SLC22A15: variants seen among roughly 807,000 people sequenced by gnomAD.
SLC22A15 encodes the protein solute carrier family 22 member 15.
Under a neutral mutation model 62.7 loss-of-function variants are expected in SLC22A15, and 45 were observed. The observed-to-expected ratio is 0.72, with a 90% CI of 0.56 to 0.92. SLC22A15 has a LOEUF of 0.92. SLC22A15 is among the 40% of genes least tolerant of loss of function. The pLI, the probability that SLC22A15 is intolerant of heterozygous loss-of-function variation, is 0.00. For synonymous variants in SLC22A15, 264 were observed against 267.0 expected, an observed-to-expected ratio of 0.99 and a Z score of 0.11; for missense variants, 622 against 665.6, an observed-to-expected ratio of 0.93 and a Z score of 0.72.
At chr1:115,994,631 A>G (rs1422838955) in intron 2 of SLC22A15, among the ~76,000 whole-genome samples, 2 of 152,186 alleles carry the variant, frequency 1.3e-5, no homozygotes, top group African/African-American at 2.4e-5. Flanking sequence ...ATCTATTGTT[A>G]CTAGTTTGCC....
At chr1:116,039,649 C>T (rs1657731066) in intron 8 of SLC22A15, among the ~76,000 whole-genome samples, 1 of 151,958 alleles carries the variant, frequency 6.6e-6, no homozygotes, top group South Asian at 2.1e-4. Context: ...TATCCTCTTC[C>T]ACTACCACTG....
intron 8 of SLC22A15, among the ~76,000 whole-genome samples, chr1:116,050,926 A>G (rs1009812352): frequency 2.0e-5 from 3 of 152,168 alleles, no homozygotes; most frequent in Non-Finnish European, 4.4e-5. Flanking sequence ...CTATACACCA[A>G]TGGCAGCCAA....
At chr1:115,983,547 A>C (rs1327882762) in intron 1 of SLC22A15, among the ~76,000 whole-genome samples, 1 of 152,190 alleles carries the variant, frequency 6.6e-6, no homozygotes, top group Non-Finnish European at 1.5e-5. Context: ...GAGCTCGTTC[A>C]GCAGGCCCTG....
At chr1:116,014,318 T>A (rs542535434) in intron 2 of SLC22A15, among the ~76,000 whole-genome samples, 1 of 152,352 alleles carries the variant, frequency 6.6e-6, no homozygotes, top group African/African-American at 2.4e-5. Context: ...TGCCCCCAGT[T>A]GTGCCTGATT....
At chr1:116,002,460 G>A (rs781355606) in intron 2 of SLC22A15, among the ~76,000 whole-genome samples, 54 of 152,088 alleles carry the variant, frequency 3.6e-4, no homozygotes, top group Non-Finnish European at 5.7e-4. Context: ...ACCAGGGTGG[G>A]TCTGGAAATG....
Position 116,062,727 on chromosome 1 carries a change from G to A in SLC22A15, c.1172-35G>A, listed in dbSNP as rs757925307. The A allele has an allele frequency of 2.5e-5, 40 of 1,612,674 alleles. No individual in the cohort carries two copies. The Admixed American group carries it at 6.5e-4, about 26-fold the overall frequency. ...GCCATTTAGAGGAATTGTTTCAACT[G>A]TGGGTCTCACAGGCATTGCCCTTGT... On this transcript the variant is annotated intron_variant, in intron 8 of 11. Coordinates refer to ENST00000369503, the MANE Select transcript of SLC22A15 (RefSeq NM_018420.3).
At position 116,067,597 on chromosome 1, in the gene SLC22A15, T is replaced by A. The variant is rs1302244735; in HGVS notation, c.*489T>A. 1 of 153,742 alleles carries A rather than the reference T, an allele frequency of 6.5e-6. No homozygotes were observed. The highest frequency in any genetic ancestry group is 1.4e-5 in the Non-Finnish European group (1 of 69,214). The allele number at this position is 153,742 out of a possible 1,614,324, so 9.5% of individuals were successfully genotyped here. A position where few individuals can be genotyped will look rare whatever the true frequency, so the allele number is the denominator to read the frequency against. ...CTGGTACAGGTTAACATCAGCATTT[T>A]CATTTTGTGTCCAGGGAAAAGCACC... On this transcript the variant is annotated 3_prime_UTR_variant, in exon 12 of 12. Coordinates refer to ENST00000369503, the MANE Select transcript of SLC22A15 (RefSeq NM_018420.3).
chr1:116,062,530 A>G (rs1252253878), intron 8 of SLC22A15, among the ~76,000 whole-genome samples: 2 of 152,240 alleles, frequency 1.3e-5, no homozygotes, highest in African/African-American at 2.4e-5. Context: ...GTGAAAGTTT[A>G]TCACACTTAA....
chr1:115,994,580 G>A (rs958831253), intron 2 of SLC22A15, among the ~76,000 whole-genome samples: 1 of 152,134 alleles, frequency 6.6e-6, no homozygotes, highest in Non-Finnish European at 1.5e-5. Flanking sequence ...GAAAGAAATT[G>A]CGAGAATAGT....
chr1:115,989,045 G>A (rs1655020722), intron 1 of SLC22A15, among the ~76,000 whole-genome samples: 1 of 152,090 alleles, frequency 6.6e-6, no homozygotes, highest in Non-Finnish European at 1.5e-5. Context: ...GCATAGAAGA[G>A]TTGCAAGTTT....
chr1:116,060,601 T>G (rs1438617995), intron 8 of SLC22A15, among the ~76,000 whole-genome samples: 1 of 152,210 alleles, frequency 6.6e-6, no homozygotes, highest in Admixed American at 6.5e-5. Flanking sequence ...CAGAGATCAT[T>G]TGCAATCAAG....
chr1:116,012,515 G>T (rs186326191), intron 2 of SLC22A15, among the ~76,000 whole-genome samples: 9 of 152,302 alleles, frequency 5.9e-5, no homozygotes, highest in Admixed American at 3.9e-4. Flanking sequence ...GGAAGGAAAA[G>T]AAAGAAACCT....
At chr1:115,985,429 C>T (rs57030931) in intron 1 of SLC22A15, among the ~76,000 whole-genome samples, 34 of 152,298 alleles carry the variant, frequency 2.2e-4, no homozygotes, top group African/African-American at 8.2e-4. Context: ...TTTCTCAGAA[C>T]GTTTCCCAGT....
At chr1:116,066,758 GA>G (rs776484769) in intron 11 of SLC22A15, 50 bp downstream of exon 11, 3 of 1,504,872 alleles carry the variant, frequency 2.0e-6, no homozygotes, top group Middle Eastern at 2.0e-4. Flanking sequence ...GGCAGTTAAT[GA>G]AAAAAAGAAG....
intron 8 of SLC22A15, among the ~76,000 whole-genome samples, chr1:116,046,663 A>T (rs949740135): frequency 6.6e-6 from 1 of 152,174 alleles, no homozygotes; most frequent in African/African-American, 2.4e-5. Context: ...GAGAGGACCC[A>T]CAGTCCCTCT....
chr1:115,989,844 T>G (rs1655063903), intron 1 of SLC22A15, among the ~76,000 whole-genome samples: 1 of 152,074 alleles, frequency 6.6e-6, no homozygotes, highest in African/African-American at 2.4e-5. Context: ...GCCTCGCACA[T>G]AGTTAGCATT....
chr1:115,990,898 C>T (rs1655112635), intron 1 of SLC22A15, among the ~76,000 whole-genome samples: 1 of 152,142 alleles, frequency 6.6e-6, no homozygotes, highest in African/African-American at 2.4e-5. Flanking sequence ...GCTGGAATTA[C>T]AGGTGCCCAC....
intron 8 of SLC22A15, among the ~76,000 whole-genome samples, chr1:116,041,185 C>A (rs561513360): frequency 6.6e-6 from 1 of 152,096 alleles, no homozygotes; most frequent in Non-Finnish European, 1.5e-5. Context: ...CCTAGTGGAA[C>A]CTTCATATCT....
intron 1 of SLC22A15, among the ~76,000 whole-genome samples, chr1:115,985,897 G>C (rs1164683985): frequency 7.2e-6 from 1 of 139,390 alleles, no homozygotes; most frequent in East Asian, 2.1e-4. Context: ...AGTGAGCTGA[G>C]ATCGCGCCAC....
Sources: gnomAD v4.1 joint callset for allele counts (sites outside exome capture counted in the v4.1 genomes callset) on GRCh38, gnomAD v4.1.1 for gene constraint, MANE v1.5 for transcripts, NCBI Gene and HGNC (gene_info 2026-07-23, HGNC 2026-07-21) for gene names.